LRRC28: variants seen among roughly 807,000 people sequenced by gnomAD.
The protein encoded by LRRC28 is leucine rich repeat containing 28.
Under a neutral mutation model 45.7 loss-of-function variants are expected in LRRC28, and 39 were observed. The observed-to-expected ratio is 0.85, with a 90% CI of 0.66 to 1.12. LRRC28 has a LOEUF of 1.12. LRRC28 is among the 50% of genes most tolerant of loss of function. LRRC28 has a pLI of 0.00. For synonymous variants in LRRC28, 206 were observed against 178.8 expected, an observed-to-expected ratio of 1.15 and a Z score of -1.22; for missense variants, 435 against 438.5, an observed-to-expected ratio of 0.99 and a Z score of 0.07.
At chr15:99,305,590 C>T (rs1348007394) in intron 5 of LRRC28, among the ~76,000 whole-genome samples, 1 of 152,130 alleles carries the variant, frequency 6.6e-6, no homozygotes, top group Non-Finnish European at 1.5e-5. Context: ...CAAGCTTTAG[C>T]TTTCCATAAA....
intron 9 of LRRC28, among the ~76,000 whole-genome samples, chr15:99,365,895 G>T (rs1391342388): frequency 6.6e-5 from 10 of 152,328 alleles, no homozygotes; most frequent in Middle Eastern, 3.4e-3. Flanking sequence ...GTAAATTCAT[G>T]ACTTTTGATC....
chr15:99,384,478 G>A (rs1270683072), intron 9 of LRRC28: 1 of 152,156 alleles, frequency 6.6e-6, no homozygotes, highest in African/African-American at 2.4e-5. Flanking sequence ...CATGTCCCTT[G>A]CAGCTTCATA....
intron 1 of LRRC28, chr15:99,251,873 C>T (rs1238251070): frequency 6.6e-6 from 1 of 152,196 alleles, no homozygotes; most frequent in Non-Finnish European, 1.5e-5. Context: ...TGTTTGTTAC[C>T]ACAGCTGAGA....
intron 4 of LRRC28, among the ~76,000 whole-genome samples, chr15:99,287,567 G>A (rs1302831890): frequency 6.6e-6 from 1 of 152,006 alleles, no homozygotes; most frequent in Non-Finnish European, 1.5e-5. Flanking sequence ...AAAGCCCTGT[G>A]TATCATTTCT....
chr15:99,286,974 G>T, intron 3 of LRRC28: 1 of 251,104 alleles, frequency 4.0e-6, no homozygotes. Flanking sequence ...GTGTTATGAA[G>T]TTAAAAAGAC....
chr15:99,347,635 T>C (rs1343133796), intron 6 of LRRC28, among the ~76,000 whole-genome samples: 4 of 152,260 alleles, frequency 2.6e-5, no homozygotes, highest in African/African-American at 9.6e-5. Context: ...TGAAAAATAT[T>C]CCATTATGTA....
intron 5 of LRRC28, among the ~76,000 whole-genome samples, chr15:99,290,249 A>G (rs1414293572): frequency 6.7e-6 from 1 of 148,518 alleles, no homozygotes; most frequent in Admixed American, 6.8e-5. Context: ...ACAGAGTGAG[A>G]CCCTGCCTCA....
chr15:99,287,368 A>G (rs1597243104), intron 4 of LRRC28, 74 bp downstream of exon 4: 1 of 1,150,940 alleles, frequency 8.7e-7, no homozygotes, highest in East Asian at 2.9e-5. Flanking sequence ...ATCAAATTTT[A>G]TTTTTAAGAC....
intron 5 of LRRC28, 22 bp from the exon 6 acceptor site, chr15:99,333,901 C>T: frequency 1.2e-6 from 2 of 1,612,238 alleles, no homozygotes; most frequent in Non-Finnish European, 1.7e-6. Flanking sequence ...GCAATTTATC[C>T]TAATTTTGAT....
At chr15:99,374,091 T>G (rs1030268005) in intron 9 of LRRC28, among the ~76,000 whole-genome samples, 1 of 152,192 alleles carries the variant, frequency 6.6e-6, no homozygotes. Flanking sequence ...GGCCCTACAC[T>G]TTTCCACTGA....
At chr15:99,303,187 G>T (rs1424131921) in intron 5 of LRRC28, among the ~76,000 whole-genome samples, 2 of 152,148 alleles carry the variant, frequency 1.3e-5, no homozygotes, top group Non-Finnish European at 2.9e-5. Context: ...TATTCTAGTT[G>T]CTGTATAGTG....
chr15:99,354,160 G>A (rs1022888862), intron 7 of LRRC28, among the ~76,000 whole-genome samples: 1 of 152,158 alleles, frequency 6.6e-6, no homozygotes, highest in African/African-American at 2.4e-5. Context: ...TTTTTAGCCT[G>A]TTGGTTTAAA....
At chr15:99,380,072 G>A (rs994690584) in intron 9 of LRRC28, among the ~76,000 whole-genome samples, 5 of 152,314 alleles carry the variant, frequency 3.3e-5, no homozygotes, top group African/African-American at 9.6e-5. Flanking sequence ...GCAGAGCTGA[G>A]TTCAATTCCT....
intron 7 of LRRC28, among the ~76,000 whole-genome samples, chr15:99,360,010 G>A (rs1957155993): frequency 6.6e-6 from 1 of 151,834 alleles, no homozygotes; most frequent in Non-Finnish European, 1.5e-5. Context: ...CCACTTATCA[G>A]TCCCTTTCCT....
chr15:99,322,820 A>G (rs1037607186), intron 5 of LRRC28, among the ~76,000 whole-genome samples: 4 of 152,196 alleles, frequency 2.6e-5, no homozygotes, highest in African/African-American at 7.2e-5. Flanking sequence ...CCTGCCCTTT[A>G]AAAGGTCATG....
At chr15:99,253,931 C>T (rs2080940746) in intron 1 of LRRC28, among the ~76,000 whole-genome samples, 1 of 152,208 alleles carries the variant, frequency 6.6e-6, no homozygotes. Context: ...CTTCCTGCTT[C>T]TCCGGCTTGA....
chr15:99,285,839 T>C, intron 3 of LRRC28: 1 of 395,420 alleles, frequency 2.5e-6, no homozygotes, highest in Non-Finnish European at 4.9e-6. Context: ...TTGATTTAGG[T>C]ATTCCTTCCT....
At chr15:99,385,954 A>G (rs977517090) in intron 9 of LRRC28, 76 bp from the exon 10 acceptor site, 2 of 1,356,968 alleles carry the variant, frequency 1.5e-6, no homozygotes, top group African/African-American at 2.9e-5. Flanking sequence ...AACAAAGAAA[A>G]AAGTTTCCAG....
intron 9 of LRRC28, among the ~76,000 whole-genome samples, chr15:99,381,974 G>A (rs185867390): frequency 1.4e-3 from 207 of 152,334 alleles, no homozygotes; most frequent in African/African-American, 4.1e-3. Context: ...GCTACTCAGG[G>A]GTCAGGGACC....
Sources: allele counts gnomAD v4.1 joint callset (sites outside exome capture counted in the v4.1 genomes callset), GRCh38; gene constraint gnomAD v4.1.1; transcripts MANE v1.5; gene names NCBI Gene and HGNC (gene_info 2026-07-23, HGNC 2026-07-21).